CARMIL1: variants seen among roughly 807,000 people sequenced by gnomAD.
The protein encoded by CARMIL1 is F-actin-uncapping protein LRRC16A.
Under a neutral mutation model 177.1 loss-of-function variants are expected in CARMIL1, and 90 were observed. The observed-to-expected ratio is 0.51, with a 90% CI of 0.43 to 0.61. CARMIL1 has a LOEUF of 0.61. Among genes scored for constraint, CARMIL1 ranks in the 20% least tolerant of loss-of-function variants. CARMIL1 has a pLI of 0.00. For missense variants in CARMIL1, 1,380 were observed against 1,667.0 expected, an observed-to-expected ratio of 0.83 and a Z score of 3.00; for synonymous variants, 577 against 606.2, an observed-to-expected ratio of 0.95 and a Z score of 0.71.
intron 20 of CARMIL1, among the ~76,000 whole-genome samples, chr6:25,511,929 A>T (rs1458249640): frequency 6.6e-6 from 1 of 152,160 alleles, no homozygotes; most frequent in Non-Finnish European, 1.5e-5. Context: ...TAAACCCCAT[A>T]TTTTGTTGCT....
rs1186435260 is a variant in CARMIL1, at chr6:25,554,557, G to A, written c.2592+461G>A. Among the ~76,000 whole-genome samples the A allele has an allele frequency of 6.6e-6, 1 of 152,096 alleles. No individual in the cohort carries two copies. Among genetic ancestry groups the A allele is most frequent in the Non-Finnish European group, 1.5e-5 (1 of 68,024 alleles). ...ATGGATAGCTGCTGACTGCCCCACA[G>A]GTGCCTTGGATATAACCAAGGTAAA... On this transcript the variant is annotated intron_variant, in intron 28 of 36. Coordinates refer to ENST00000329474, the MANE Select transcript of CARMIL1 (RefSeq NM_017640.6). The surrounding 1 kb of genome is among the most constrained non-coding windows in gnomAD (Gnocchi z 4.6).
intron 2 of CARMIL1, among the ~76,000 whole-genome samples, chr6:25,292,695 G>T (rs1312515224): frequency 6.6e-6 from 1 of 152,080 alleles, no homozygotes; most frequent in East Asian, 1.9e-4. Context: ...CATACACCAG[G>T]CTCGGTGTAA....
chr6:25,491,878 G>A (rs1803272161), intron 14 of CARMIL1, 69 bp downstream of exon 14: 21 of 1,530,598 alleles, frequency 1.4e-5, no homozygotes, highest in Non-Finnish European at 1.7e-5. Flanking sequence ...GGGATGTAGG[G>A]GACCTCTAAT....
At chr6:25,482,449 C>A in intron 12 of CARMIL1, 106 bp downstream of exon 12, 1 of 555,962 alleles carries the variant, frequency 1.8e-6, no homozygotes, top group East Asian at 3.2e-5. Flanking sequence ...TAAAAAAATA[C>A]ATTTAAAATA....
intron 24 of CARMIL1, among the ~76,000 whole-genome samples, chr6:25,529,921 C>T (rs1165400629): frequency 1.3e-5 from 2 of 151,924 alleles, no homozygotes; most frequent in Admixed American, 1.3e-4. Flanking sequence ...AAAAGTAGAG[C>T]AAACCTTTAT....
chr6:25,411,836 T>C (rs9358855), intron 2 of CARMIL1, among the ~76,000 whole-genome samples: 54,921 of 151,966 alleles, frequency 0.36, 10,690 homozygotes, highest in African/African-American at 0.49. Flanking sequence ...GGAGCAGAGA[T>C]CTAAGGGGGA....
At chr6:25,301,302 G>A (rs1782841380) in intron 2 of CARMIL1, among the ~76,000 whole-genome samples, 1 of 152,118 alleles carries the variant, frequency 6.6e-6, no homozygotes, top group Non-Finnish European at 1.5e-5. Flanking sequence ...TGAGCCAGTG[G>A]TAACAAGAAC....
chr6:25,585,681 C>CA (rs1813576148), intron 31 of CARMIL1, among the ~76,000 whole-genome samples: 1 of 152,134 alleles, frequency 6.6e-6, no homozygotes, highest in African/African-American at 2.4e-5. Flanking sequence ...TTTTCCTAGG[C>CA]AGAGGACCCT....
intron 1 of CARMIL1, among the ~76,000 whole-genome samples, chr6:25,280,971 C>T (rs1167223907): frequency 1.3e-5 from 2 of 151,870 alleles, no homozygotes; most frequent in Admixed American, 6.6e-5. Flanking sequence ...TTGTGTATGC[C>T]CTTCCGTTGG....
chr6:25,576,170 GGATGCC>G (rs1271227792), intron 29 of CARMIL1, among the ~76,000 whole-genome samples: 1 of 151,726 alleles, frequency 6.6e-6, no homozygotes, highest in Non-Finnish European at 1.5e-5. Flanking sequence ...ACTAAGAAGA[GGATGCC>G]CTAACAAAAT....
chr6:25,326,641 A>T lies in CARMIL1; in HGVS notation c.138+41732A>T, dbSNP rs1188213467. On this transcript the variant is annotated intron_variant, in intron 2 of 36. Coordinates refer to ENST00000329474, the MANE Select transcript of CARMIL1 (RefSeq NM_017640.6). The surrounding 1 kb of genome is among the most constrained non-coding windows in gnomAD (Gnocchi z 4.2). ...CAGAACCTGGAGGTGGGACTCAGCA[A>T]TCTGCTTTAACAAGTCCTTTGGATG... Among the ~76,000 whole-genome samples the T allele has an allele frequency of 6.6e-6, 1 of 152,150 alleles. No homozygotes were observed. The highest frequency in any genetic ancestry group is 1.5e-5 in the Non-Finnish European group (1 of 68,020).
chr6:25,563,173 T>C (rs1811281131), intron 29 of CARMIL1: 1 of 967,296 alleles, frequency 1.0e-6, no homozygotes, highest in South Asian at 4.8e-5. Context: ...ATAATTTCTC[T>C]AAACTCAGTC....
chr6:25,281,723 T>C (rs1255661546), intron 1 of CARMIL1, among the ~76,000 whole-genome samples: 5 of 152,172 alleles, frequency 3.3e-5, no homozygotes, highest in Admixed American at 3.3e-4. Flanking sequence ...TAAATTCAAG[T>C]GCTCACAAGA....
Position 25,619,463 on chromosome 6 carries a change from G to C in CARMIL1, c.3996G>C (p.Trp1332Cys). 6.2e-7 allele frequency: 1 copy of C among 1,611,952 alleles called. No individual in the cohort carries two copies. The highest frequency in any genetic ancestry group is 8.5e-7 in the Non-Finnish European group (1 of 1,179,180). ...TTATTTCAGTTTCAAGGAGAAGCTG[G>C]GGCCAGCAGGCCCAGGAGTATCAAG... ...TFSQEVSRRS[W>C]GQQAQEYQEQ... The change falls in exon 37 of 37, where the codon TGG becomes TGC. Residue 1332 changes from tryptophan (W) to cysteine (C), a missense_variant. Physicochemically the swap from Trp to Cys is radical, Grantham distance 215. Coordinates refer to ENST00000329474, the MANE Select transcript of CARMIL1 (RefSeq NM_017640.6).
intron 2 of CARMIL1, among the ~76,000 whole-genome samples, chr6:25,337,871 A>AT (rs2150311091): frequency 6.6e-6 from 1 of 152,322 alleles, no homozygotes; most frequent in Non-Finnish European, 1.5e-5. Context: ...TATGAAAAAC[A>AT]TTTTTTAACA....
chr6:25,600,691 GTC>G lies in CARMIL1; in HGVS notation c.3499_3500del (p.Leu1167AlafsTer22). The G allele has an allele frequency of 1.3e-6, 2 of 1,594,326 alleles. No individual in the cohort carries two copies. Among genetic ancestry groups the G allele is most frequent in the Non-Finnish European group, 1.7e-6 (2 of 1,170,470 alleles). Reference sequence around the variant, plus strand: ...TATGGGGTCCAGGTGATGGGCAGTGGTCTGCTGGCAGAGATGAAAGCCAAGCA... The same window carrying G: ...TATGGGGTCCAGGTGATGGGCAGTGGTGCTGGCAGAGATGAAAGCCAAGCA... On this transcript the variant is annotated frameshift_variant, in exon 33 of 37. Coordinates refer to ENST00000329474, the MANE Select transcript of CARMIL1 (RefSeq NM_017640.6). LOFTEE classifies it high-confidence loss of function.
intron 2 of CARMIL1, among the ~76,000 whole-genome samples, chr6:25,376,596 C>A (rs1791008614): frequency 6.6e-6 from 1 of 152,128 alleles, no homozygotes; most frequent in African/African-American, 2.4e-5. Context: ...TTCTTAGATG[C>A]TGGTTGTAGT....
At chr6:25,477,735 T>C (rs1292079349) in intron 11 of CARMIL1, among the ~76,000 whole-genome samples, 1 of 152,208 alleles carries the variant, frequency 6.6e-6, no homozygotes, top group Non-Finnish European at 1.5e-5. Flanking sequence ...ATTTATGCTT[T>C]ACTTCTCTAA....
chr6:25,552,083 A>C (rs1810160129), intron 27 of CARMIL1, among the ~76,000 whole-genome samples: 1 of 152,112 alleles, frequency 6.6e-6, no homozygotes, highest in Non-Finnish European at 1.5e-5. Flanking sequence ...TGAAGCCCCT[A>C]AATCCTACTC....
Sources: gnomAD v4.1 joint callset for allele counts (sites outside exome capture counted in the v4.1 genomes callset) on GRCh38, gnomAD v4.1.1 for gene constraint, Gnocchi (gnomAD v3.1) non-coding constraint, MANE v1.5 for transcripts, NCBI Gene and HGNC (gene_info 2026-07-23, HGNC 2026-07-21) for gene names.